MIPEP: variants seen among roughly 807,000 people sequenced by gnomAD.
The protein encoded by MIPEP is mitochondrial intermediate peptidase.
Under a neutral mutation model 90.3 loss-of-function variants are expected in MIPEP, and 79 were observed. The ratio of observed to expected loss-of-function variants is 0.87; its 90% CI spans 0.73 to 1.05. MIPEP has a LOEUF of 1.05. Ranked by LOEUF, MIPEP falls within the 50% of genes least tolerant of loss-of-function variation. The pLI is 0.00. For missense variants in MIPEP, 940 were observed against 905.6 expected (o/e 1.04, Z -0.49); for synonymous variants, 334 against 315.8 (o/e 1.06, Z -0.61).
intron 14 of MIPEP, among the ~76,000 whole-genome samples, chr13:23,833,247 TAAATA>T (rs907137697): frequency 3.3e-5 from 5 of 152,140 alleles, no homozygotes; most frequent in Admixed American, 3.3e-4. Flanking sequence ...TTAAAAAAAA[TAAATA>T]AAATAAAATA....
At chr13:23,760,651 C>T (rs1279098497) in intron 16 of MIPEP, 1 of 491,596 alleles carries the variant, frequency 2.0e-6, no homozygotes, top group East Asian at 6.1e-5. Flanking sequence ...GTCTGGACTT[C>T]CAGCCTCCAA....
intron 18 of MIPEP, among the ~76,000 whole-genome samples, chr13:23,748,401 G>A (rs1952406226): frequency 6.6e-6 from 1 of 152,180 alleles, no homozygotes; most frequent in South Asian, 2.1e-4. Context: ...GAGGGGCAGA[G>A]ACCATAAACC....
chr13:23,825,345 A>G (rs1217412523), intron 14 of MIPEP, among the ~76,000 whole-genome samples: 1 of 152,226 alleles, frequency 6.6e-6, no homozygotes, highest in East Asian at 1.9e-4. Flanking sequence ...ATCTCTTGAA[A>G]GAGGATGACA....
chr13:23,883,332 GA>G (rs1436502197), intron 2 of MIPEP, among the ~76,000 whole-genome samples: 2 of 151,950 alleles, frequency 1.3e-5, no homozygotes, highest in Non-Finnish European at 2.9e-5. Flanking sequence ...CAAAAATGTA[GA>G]AAAAAATCCT....
chr13:23,804,096 T>C (rs969655667), intron 16 of MIPEP, among the ~76,000 whole-genome samples: 16 of 152,220 alleles, frequency 1.1e-4, no homozygotes, highest in African/African-American at 3.6e-4. Flanking sequence ...TTATGGATTG[T>C]TGATTCAGAA....
Position 23,837,573 on chromosome 13 carries a change from T to G in MIPEP, c.1522A>C (p.Thr508Pro), listed in dbSNP as rs1472859073. 6.2e-7 allele frequency: 1 copy of G among 1,613,030 alleles called. No homozygotes were observed. The highest frequency in any genetic ancestry group is 1.7e-5 in the Admixed American group (1 of 60,006). Reference protein sequence around the residue: ...GHAMHSMLGRTRYQHVTGTRC... With the variant: ...GHAMHSMLGRPRYQHVTGTRC... ...TCACCAGTGACGTGTTGGTAACGAG[T>G]ACGTCCTAGCATTGAATGCATGGCA... The change falls in exon 13 of 19, where the codon ACT becomes CCT. Residue 508 changes from threonine to proline, a missense_variant. Physicochemically the swap from Thr to Pro is conservative, Grantham distance 38 (BLOSUM62 -1). Transcript: ENST00000382172.
intron 16 of MIPEP, 177 bp from the exon 17 acceptor site, chr13:23,760,394 G>T: frequency 2.4e-6 from 2 of 820,330 alleles, no homozygotes; most frequent in Non-Finnish European, 4.2e-6. Context: ...CACTGTTAGG[G>T]CTGAACTGTG....
intron 1 of MIPEP, chr13:23,888,258 G>A (rs758343673): frequency 8.0e-6 from 2 of 249,676 alleles, no homozygotes; most frequent in Non-Finnish European, 1.6e-5. Context: ...AGGTGGTGTA[G>A]CAAATTTCAC....
At chr13:23,872,401 C>T (rs1870854489) in intron 5 of MIPEP, among the ~76,000 whole-genome samples, 1 of 152,146 alleles carries the variant, frequency 6.6e-6, no homozygotes, top group South Asian at 2.1e-4. Flanking sequence ...GCGGAGGTTG[C>T]GGTGAGCCAA....
intron 16 of MIPEP, among the ~76,000 whole-genome samples, chr13:23,801,422 T>C (rs1277246919): frequency 2.0e-5 from 3 of 152,186 alleles, no homozygotes; most frequent in African/African-American, 7.2e-5. Context: ...GCATACCCCA[T>C]ACCTTGTAGC....
intron 1 of MIPEP, chr13:23,888,869 T>C: frequency 3.3e-6 from 2 of 608,020 alleles, no homozygotes; most frequent in Non-Finnish European, 4.7e-6. Context: ...GAACGAACTA[T>C]TCAGATTCAC....
At chr13:23,769,646 G>A (rs1348163329) in intron 16 of MIPEP, among the ~76,000 whole-genome samples, 1 of 152,134 alleles carries the variant, frequency 6.6e-6, no homozygotes, top group Non-Finnish European at 1.5e-5. Context: ...TTAGAACCCA[G>A]GTCTCCGCCT....
intron 18 of MIPEP, among the ~76,000 whole-genome samples, chr13:23,744,017 A>G (rs567361797): frequency 6.6e-6 from 1 of 152,354 alleles, no homozygotes; most frequent in East Asian, 1.9e-4. Flanking sequence ...CCTAGAGCTA[A>G]CTAAATTGTA....
At chr13:23,775,363 T>C (rs1264316149) in intron 16 of MIPEP, among the ~76,000 whole-genome samples, 1 of 152,226 alleles carries the variant, frequency 6.6e-6, no homozygotes, top group Non-Finnish European at 1.5e-5. Flanking sequence ...TCTTTCACCC[T>C]GAGTATAATG....
At position 23,762,901 on chromosome 13, in the gene MIPEP, G is replaced by C. The variant is rs560909593; in HGVS notation, c.1849-2684C>G. Among the ~76,000 whole-genome samples, 34 of 152,336 alleles carry C rather than the reference G, an allele frequency of 2.2e-4. 1 individual carries two copies. Among genetic ancestry groups the C allele is most frequent in the African/African-American group, 7.5e-4 (31 of 41,592 alleles). On this transcript the variant is annotated intron_variant, in intron 16 of 18. Transcript: ENST00000382172. ...ATGCCCTTGGTAGAGCTGTGCCCTA[G>C]GTGGGAGGAGCTGGACACTCAAAAT... is the stretch of plus-strand genomic sequence containing the variant.
intron 16 of MIPEP, among the ~76,000 whole-genome samples, chr13:23,761,118 G>A (rs1952537803): frequency 6.6e-6 from 1 of 151,212 alleles, no homozygotes; most frequent in South Asian, 2.1e-4. Flanking sequence ...GGTAATCTGG[G>A]AATGCATTCT....
chr13:23,756,498 A>G (rs1479222457), intron 18 of MIPEP, 47 bp downstream of exon 18: 3 of 1,565,332 alleles, frequency 1.9e-6, no homozygotes, highest in Middle Eastern at 1.7e-4. Flanking sequence ...TGGAGAAAAC[A>G]TAAATCAGCT....
chr13:23,833,925 G>A (rs1349105470), intron 14 of MIPEP, among the ~76,000 whole-genome samples: 2 of 151,992 alleles, frequency 1.3e-5, no homozygotes, highest in Non-Finnish European at 2.9e-5. Flanking sequence ...CCCTCCTGGC[G>A]GCAGTGATGC....
intron 10 of MIPEP, among the ~76,000 whole-genome samples, chr13:23,846,986 G>A (rs1230864149): frequency 6.6e-6 from 1 of 152,032 alleles, no homozygotes; most frequent in Non-Finnish European, 1.5e-5. Flanking sequence ...AGGTTTACAA[G>A]ACAGTAAGTA....
Sources: gnomAD v4.1 joint callset for allele counts (sites outside exome capture counted in the v4.1 genomes callset) on GRCh38, gnomAD v4.1.1 for gene constraint, MANE v1.5 for transcripts, NCBI Gene and HGNC (gene_info 2026-07-23, HGNC 2026-07-21) for gene names.